Variants in RSU1 observed in about 807,000 individuals in gnomAD.
RSU1 encodes Ras suppressor protein 1.
Under a neutral mutation model 31.1 loss-of-function variants are expected in RSU1, and 26 were observed. The ratio of observed to expected loss-of-function variants is 0.84; its 90% CI spans 0.61 to 1.16. RSU1 has a LOEUF of 1.16. Ranked by LOEUF, RSU1 falls within the 50% of genes most tolerant of loss-of-function variation. The pLI is 0.00. For synonymous variants in RSU1, 164 were observed against 136.3 expected (o/e 1.20, Z -1.41); for missense variants, 320 against 339.1 (o/e 0.94, Z 0.44).
intron 8 of RSU1, among the ~76,000 whole-genome samples, chr10:16,659,301 C>CTTTTTTTTTTTTTTTTTTTTTTTT: frequency 9.9e-6 from 1 of 100,788 alleles, no homozygotes. Context: ...AGGTTATATT[C>CTTTTTTTTTTTTTTTTTTTTTTTT]TTTTTTTTTT....
intron 8 of RSU1, among the ~76,000 whole-genome samples, chr10:16,691,557 A>C (rs1835550653): frequency 6.6e-6 from 1 of 151,874 alleles, no homozygotes; most frequent in Non-Finnish European, 1.5e-5. Context: ...CCCAAGGAGG[A>C]CAGAAGAGAA....
chr10:16,736,292 C>A (rs897900014), intron 7 of RSU1, among the ~76,000 whole-genome samples: 3 of 152,054 alleles, frequency 2.0e-5, no homozygotes, highest in Admixed American at 1.3e-4. Context: ...CAGGGAAAGA[C>A]CAATTACAAG....
Position 16,668,609 on chromosome 10 carries a change from T to TC in RSU1, c.731+26413dup, listed in dbSNP as rs559552441. On this transcript the variant is annotated intron_variant, in intron 8 of 8. Transcript: ENST00000345264. ...GGATTTAATTGAACATGGTTTTTTT[T>TC]CCCCCCAAGTTTTACTGCTTTCCCT... Among the ~76,000 whole-genome samples, 675 of 152,248 alleles carry TC rather than the reference T, an allele frequency of 4.4e-3. 2 individuals are homozygous for TC. The highest frequency in any genetic ancestry group is 0.044 in the Middle Eastern group (13 of 294).
chr10:16,631,442 C>T (rs1247793427), intron 8 of RSU1, among the ~76,000 whole-genome samples: 1 of 152,102 alleles, frequency 6.6e-6, no homozygotes, highest in East Asian at 1.9e-4. Context: ...CCATGAGCCT[C>T]ACAAGGAGGG....
At chr10:16,602,070 T>A (rs1295826667) in intron 8 of RSU1, among the ~76,000 whole-genome samples, 1 of 152,200 alleles carries the variant, frequency 6.6e-6, no homozygotes, top group Admixed American at 6.5e-5. Flanking sequence ...GTTGCTTATC[T>A]GTGTTATTAC....
chr10:16,599,701 C>T (rs1261860184), intron 8 of RSU1, among the ~76,000 whole-genome samples: 1 of 152,238 alleles, frequency 6.6e-6, no homozygotes, highest in Non-Finnish European at 1.5e-5. Flanking sequence ...TTCAGAATGA[C>T]AGCTGCCGCT....
intron 2 of RSU1, among the ~76,000 whole-genome samples, chr10:16,815,712 G>A (rs1279280380): frequency 2.0e-5 from 3 of 152,248 alleles, no homozygotes; most frequent in Non-Finnish European, 4.4e-5. Flanking sequence ...TCCTATGTGA[G>A]AGGAGTCACA....
chr10:16,648,632 A>C (rs1427781533), intron 8 of RSU1, among the ~76,000 whole-genome samples: 1 of 152,120 alleles, frequency 6.6e-6, no homozygotes, highest in Non-Finnish European at 1.5e-5. Context: ...TTTTTTTTCT[A>C]AAATCAAATG....
At chr10:16,632,449 CGA>C (rs1393419847) in intron 8 of RSU1, among the ~76,000 whole-genome samples, 2 of 152,058 alleles carry the variant, frequency 1.3e-5, no homozygotes, top group African/African-American at 4.8e-5. Flanking sequence ...TTACAAAACC[CGA>C]GAGACCTTTT....
chr10:16,647,528 G>T (rs1218125720), intron 8 of RSU1, among the ~76,000 whole-genome samples: 1 of 152,116 alleles, frequency 6.6e-6, no homozygotes, highest in African/African-American at 2.4e-5. Context: ...AAGAAACATG[G>T]TAAAACCATA....
chr10:16,731,823 T>C (rs1588500184), intron 7 of RSU1, among the ~76,000 whole-genome samples: 1 of 152,270 alleles, frequency 6.6e-6, no homozygotes, highest in East Asian at 1.9e-4. Flanking sequence ...TTTTTTTTTC[T>C]ACTGAGGTAT....
chr10:16,782,120 A>C, intron 2 of RSU1, 36 bp from the exon 3 acceptor site: 1 of 1,543,014 alleles, frequency 6.5e-7, no homozygotes, highest in Non-Finnish European at 8.9e-7. Flanking sequence ...GTCAGTCAGT[A>C]AATGTATCAC....
chr10:16,617,489 T>C (rs1208503466), intron 8 of RSU1, among the ~76,000 whole-genome samples: 1 of 152,166 alleles, frequency 6.6e-6, no homozygotes, highest in Non-Finnish European at 1.5e-5. Flanking sequence ...AAAACTACTT[T>C]ACCTTTCACA....
intron 8 of RSU1, among the ~76,000 whole-genome samples, chr10:16,648,132 A>ATTTTTTTTT (rs1554763091): frequency 3.0e-4 from 40 of 133,542 alleles, no homozygotes; most frequent in African/African-American, 1.4e-3. Context: ...AAAAAAAAAA[A>ATTTTTTTTT]TTTTTTTTTT....
intron 7 of RSU1, among the ~76,000 whole-genome samples, chr10:16,730,276 A>C (rs1182324422): frequency 6.6e-6 from 1 of 152,208 alleles, no homozygotes; most frequent in African/African-American, 2.4e-5. Flanking sequence ...AACCTCCAGC[A>C]CTGGGGATCA....
At chr10:16,742,666 C>A (rs1304967267) in intron 7 of RSU1, among the ~76,000 whole-genome samples, 2 of 151,814 alleles carry the variant, frequency 1.3e-5, no homozygotes, top group Non-Finnish European at 2.9e-5. Flanking sequence ...TCTCCCAGGG[C>A]AAAATACATT....
At chr10:16,701,166 T>TA (rs1272037673) in intron 7 of RSU1, among the ~76,000 whole-genome samples, 2 of 152,156 alleles carry the variant, frequency 1.3e-5, no homozygotes. Flanking sequence ...TTCTCATAAT[T>TA]AAAAAAGATT....
chr10:16,778,754 G>T (rs754158576), intron 3 of RSU1, among the ~76,000 whole-genome samples: 65 of 152,090 alleles, frequency 4.3e-4, no homozygotes, highest in Admixed American at 2.0e-3. Flanking sequence ...GCTACGGGGG[G>T]ACAGAAGATG....
chr10:16,642,878 G>A (rs1241293690), intron 8 of RSU1, among the ~76,000 whole-genome samples: 1 of 152,104 alleles, frequency 6.6e-6, no homozygotes, highest in Non-Finnish European at 1.5e-5. Context: ...TTTATGTACA[G>A]TAAAATTTCA....
Sources: gnomAD v4.1 joint callset for allele counts (sites outside exome capture counted in the v4.1 genomes callset) on GRCh38, gnomAD v4.1.1 for gene constraint, MANE v1.5 for transcripts, NCBI Gene and HGNC (gene_info 2026-07-23, HGNC 2026-07-21) for gene names.